PDE1A: variants seen among roughly 807,000 people sequenced by gnomAD.
The protein encoded by PDE1A is dual specificity calcium/calmodulin-dependent 3',5'-cyclic nucleotide phosphodiesterase 1A.
Under a neutral mutation model 61.7 loss-of-function variants are expected in PDE1A, and 35 were observed. That is an observed-to-expected ratio of 0.57 (90% CI 0.43 to 0.75). PDE1A has a LOEUF of 0.75. PDE1A is among the 30% of genes least tolerant of loss of function. PDE1A has a pLI of 0.00. For missense variants in PDE1A, 597 were observed against 630.6 expected (o/e 0.95, Z 0.57); for synonymous variants, 232 against 213.2 (o/e 1.09, Z -0.77).
intron 2 of PDE1A, among the ~76,000 whole-genome samples, chr2:182,254,314 C>T (rs1261079568): frequency 6.6e-6 from 1 of 152,172 alleles, no homozygotes; most frequent in Non-Finnish European, 1.5e-5. Flanking sequence ...AAACACAACA[C>T]TCCAAACAGC....
chr2:182,485,494 C>T (rs564622344), intron 2 of PDE1A, among the ~76,000 whole-genome samples: 1 of 151,750 alleles, frequency 6.6e-6, no homozygotes. Flanking sequence ...AACTTTCACA[C>T]GTACCCCCAA....
the PDE1A span, among the ~76,000 whole-genome samples, chr2:182,614,076 T>C: frequency 1.3e-5 from 2 of 152,240 alleles, no homozygotes; most frequent in Admixed American, 1.3e-4. Context: ...CTGTTAGTAA[T>C]TGTGGTTAAG....
chr2:182,473,021 T>A (rs1687133662), intron 2 of PDE1A, among the ~76,000 whole-genome samples: 1 of 151,754 alleles, frequency 6.6e-6, no homozygotes, highest in African/African-American at 2.4e-5. Flanking sequence ...TGCAAGTTAG[T>A]TACATATGTA....
At chr2:182,268,908 G>A (rs1454216547) in intron 1 of PDE1A, among the ~76,000 whole-genome samples, 1 of 151,946 alleles carries the variant, frequency 6.6e-6, no homozygotes, top group Admixed American at 6.6e-5. Context: ...TTTTTGATAT[G>A]ATAGTTCCCC....
chr2:182,166,206 G>C (rs1015341226), downstream of PDE1A, among the ~76,000 whole-genome samples: 4 of 152,052 alleles, frequency 2.6e-5, no homozygotes. Context: ...ATTGTTTTGG[G>C]GTGTGCCTAG....
chr2:182,367,988 A>G (rs191755363), intron 1 of PDE1A, among the ~76,000 whole-genome samples: 18 of 152,246 alleles, frequency 1.2e-4, no homozygotes, highest in Non-Finnish European at 2.2e-4. Context: ...TAGAAAATTT[A>G]AAACACACAC....
intron 2 of PDE1A, among the ~76,000 whole-genome samples, chr2:182,500,869 C>T (rs1412689905): frequency 6.6e-6 from 1 of 152,082 alleles, no homozygotes; most frequent in African/African-American, 2.4e-5. Context: ...CAATGACTTT[C>T]ACTTCTCCTC....
At chr2:182,531,195 C>A in the PDE1A span, among the ~76,000 whole-genome samples, 14 of 149,992 alleles carry the variant, frequency 9.3e-5, no homozygotes, top group African/African-American at 2.7e-4. Flanking sequence ...CTCAAGTAAC[C>A]GATAGGAAGA....
chr2:182,693,788 A>T, the PDE1A span, among the ~76,000 whole-genome samples: 2 of 151,936 alleles, frequency 1.3e-5, no homozygotes. Flanking sequence ...CTGGGATTAC[A>T]GGCACCCACC....
chr2:182,474,553 G>T (rs551060087), intron 2 of PDE1A, among the ~76,000 whole-genome samples: 16 of 151,970 alleles, frequency 1.1e-4, no homozygotes, highest in African/African-American at 3.9e-4. Flanking sequence ...CATATAAAAT[G>T]CACATTCCTA....
chr2:182,445,822 C>T (rs905547777), intron 2 of PDE1A, among the ~76,000 whole-genome samples: 5 of 152,092 alleles, frequency 3.3e-5, no homozygotes, highest in African/African-American at 1.2e-4. Flanking sequence ...TAAAACCGCA[C>T]ATGCTTCCTA....
intron 2 of PDE1A, among the ~76,000 whole-genome samples, chr2:182,256,888 C>A (rs1462802390): frequency 6.6e-6 from 1 of 152,190 alleles, no homozygotes; most frequent in Non-Finnish European, 1.5e-5. Context: ...TGTACTCGAG[C>A]AAATTCTGGA....
intron 13 of PDE1A, among the ~76,000 whole-genome samples, chr2:182,168,805 CTT>C (rs1330042588): frequency 6.6e-6 from 1 of 151,964 alleles, no homozygotes; most frequent in Non-Finnish European, 1.5e-5. Flanking sequence ...CAGAAAATAT[CTT>C]TCTCTTATTA....
intron 13 of PDE1A, 150 bp downstream of exon 13, chr2:182,185,742 T>C: frequency 7.0e-7 from 1 of 1,432,050 alleles, no homozygotes; most frequent in South Asian, 1.3e-5. Context: ...GCCAACTTTC[T>C]CATGAATGAT....
At chr2:182,571,528 T>C in the PDE1A span, among the ~76,000 whole-genome samples, 2 of 152,114 alleles carry the variant, frequency 1.3e-5, no homozygotes, top group Non-Finnish European at 2.9e-5. Flanking sequence ...TGTCTCTCTC[T>C]ACATCATTGT....
In PDE1A at chr2:182,485,501, C is replaced by G. The variant is rs139186885; in HGVS notation, c.101+36775G>C. On this transcript the variant is annotated intron_variant, in intron 2 of 14. Transcript: ENST00000410103. Reference sequence around the variant, plus strand: ...ACCTATGTAACTTTCACACGTACCCCCAAACCTAAAATAAAAGTTTTTTTA... The same window carrying G: ...ACCTATGTAACTTTCACACGTACCCGCAAACCTAAAATAAAAGTTTTTTTA... 3.7e-3 allele frequency among the ~76,000 whole-genome samples: 567 copies of G among 151,832 alleles called. 1 individual carries two copies. The highest frequency in any genetic ancestry group is 0.013 in the African/African-American group (536 of 41,420).
At chr2:182,366,123 G>C (rs1248909591) in intron 1 of PDE1A, among the ~76,000 whole-genome samples, 2 of 152,072 alleles carry the variant, frequency 1.3e-5, no homozygotes, top group East Asian at 3.9e-4. Flanking sequence ...GGCACTGTGA[G>C]AAGTTTCTCT....
intron 1 of PDE1A, among the ~76,000 whole-genome samples, chr2:182,287,758 TTG>T (rs997008230): frequency 2.6e-5 from 4 of 152,162 alleles, no homozygotes; most frequent in Admixed American, 2.6e-4. Context: ...ACCAATTTAC[TTG>T]TAAGCTTTTC....
the PDE1A span, among the ~76,000 whole-genome samples, chr2:182,581,570 A>G: frequency 6.6e-6 from 1 of 152,202 alleles, no homozygotes. Context: ...CTATGTTATA[A>G]TTCTCTGTAT....
Sources: gnomAD v4.1 joint callset for allele counts (sites outside exome capture counted in the v4.1 genomes callset) on GRCh38, gnomAD v4.1.1 for gene constraint, MANE v1.5 for transcripts, NCBI Gene and HGNC (gene_info 2026-07-23, HGNC 2026-07-21) for gene names.